Variants in GUCY1A2 observed in about 807,000 individuals in gnomAD.
GUCY1A2 encodes guanylate cyclase soluble subunit alpha-2.
A neutral mutation model predicts 63.5 loss-of-function variants in GUCY1A2; 27 were observed. That is an observed-to-expected ratio of 0.43 (90% CI 0.31 to 0.59). The LOEUF (loss-of-function observed/expected upper bound fraction) is 0.59. Ranked by LOEUF, GUCY1A2 falls within the 20% of genes least tolerant of loss-of-function variation. The pLI is 0.11. For synonymous variants in GUCY1A2, 364 were observed against 343.5 expected (o/e 1.06, Z -0.66); for missense variants, 768 against 913.3 (o/e 0.84, Z 2.05).
chr11:106,831,222 G>A (rs1166865718), intron 4 of GUCY1A2, among the ~76,000 whole-genome samples: 3 of 152,154 alleles, frequency 2.0e-5, no homozygotes, highest in Non-Finnish European at 4.4e-5. Flanking sequence ...ATATCATGAT[G>A]AAGGTTGACT....
intron 6 of GUCY1A2, among the ~76,000 whole-genome samples, chr11:106,750,059 T>C (rs80073761): frequency 0.03 from 4,572 of 152,100 alleles, 129 homozygotes; most frequent in South Asian, 0.071. Flanking sequence ...TCAGTCCAAG[T>C]TGGAAAGACT....
At chr11:106,822,482 C>A (rs1858915895) in intron 4 of GUCY1A2, among the ~76,000 whole-genome samples, 1 of 152,016 alleles carries the variant, frequency 6.6e-6, no homozygotes, top group Admixed American at 6.6e-5. Context: ...AGCATAGTAC[C>A]CAACAGGTAG....
intron 6 of GUCY1A2, among the ~76,000 whole-genome samples, chr11:106,742,827 G>A (rs539804620): frequency 6.6e-6 from 1 of 152,246 alleles, no homozygotes; most frequent in East Asian, 1.9e-4. Context: ...CTTTCAAATG[G>A]ATGAATTTTC....
chr11:106,698,119 A>ATTTTTTTTTTTTTTT (rs71470827), intron 7 of GUCY1A2, among the ~76,000 whole-genome samples: 1,384 of 100,374 alleles, frequency 0.014, 227 homozygotes, highest in African/African-American at 0.051. Flanking sequence ...GAATGTTAGA[A>ATTTTTTTTTTTTTTT]TTTTTTTTTT....
At chr11:106,901,215 A>G (rs1245589304) in intron 4 of GUCY1A2, among the ~76,000 whole-genome samples, 3 of 152,184 alleles carry the variant, frequency 2.0e-5, no homozygotes, top group African/African-American at 7.2e-5. Flanking sequence ...TTGTTCATCC[A>G]TAAGAATCAA....
At chr11:106,841,966 C>T (rs1287148387) in intron 4 of GUCY1A2, among the ~76,000 whole-genome samples, 2 of 151,818 alleles carry the variant, frequency 1.3e-5, no homozygotes, top group Admixed American at 6.6e-5. Flanking sequence ...TGCTCTGTAC[C>T]CCAGGAAGAT....
rs531837219 is a variant in GUCY1A2, at chr11:106,831,237, A to G, written c.1207-20759T>C. On this transcript the variant is annotated intron_variant, in intron 4 of 7. Coordinates refer to ENST00000526355, the MANE Select transcript of GUCY1A2 (RefSeq NM_000855.3). ...ATATCATGATGAAGGTTGACTTTGC[A>G]CTAGCAAAATGTCTCAGACACAGAT... is the stretch of plus-strand genomic sequence containing the variant. Among the ~76,000 whole-genome samples the G allele has an allele frequency of 5.3e-5, 8 of 152,352 alleles. No individual in the cohort carries two copies. The East Asian group carries it at 1.5e-3, about 29-fold the overall frequency.
chr11:106,824,657 A>G, intron 4 of GUCY1A2: 1 of 855,340 alleles, frequency 1.2e-6, no homozygotes, highest in South Asian at 2.1e-5. Context: ...ATATTTGAAT[A>G]GAAATTTGTA....
At chr11:106,915,755 A>T (rs10458951) in intron 4 of GUCY1A2, among the ~76,000 whole-genome samples, 109,868 of 143,720 alleles carry the variant, frequency 0.76, 45,605 homozygotes, top group East Asian at 0.99. Flanking sequence ...AAAAAGAACT[A>T]TGTCTGATTT....
At chr11:106,805,148 G>A (rs1049323801) in intron 5 of GUCY1A2, among the ~76,000 whole-genome samples, 4 of 152,026 alleles carry the variant, frequency 2.6e-5, no homozygotes, top group African/African-American at 7.3e-5. Context: ...ACCTGACAAT[G>A]TTTAATGCCA....
chr11:107,014,171 C>T (rs1234294002), intron 1 of GUCY1A2, among the ~76,000 whole-genome samples: 1 of 144,056 alleles, frequency 6.9e-6, no homozygotes, highest in Non-Finnish European at 1.5e-5. Context: ...TCACTACAAC[C>T]TCTGCCTCCC....
At chr11:106,851,204 G>C (rs1179744910) in intron 4 of GUCY1A2, among the ~76,000 whole-genome samples, 4 of 150,608 alleles carry the variant, frequency 2.7e-5, no homozygotes, top group Admixed American at 6.6e-5. Context: ...GTTTTGTTTT[G>C]TTTTTTGCTG....
At position 106,914,350 on chromosome 11, in the gene GUCY1A2, G is replaced by GT. The variant is rs1174991866; in HGVS notation, c.1206+25109dup. Among the ~76,000 whole-genome samples, 3 of 151,964 alleles carry GT rather than the reference G, an allele frequency of 2.0e-5. No homozygotes were observed. In the East Asian group the frequency reaches 5.8e-4, roughly 29 times the overall value. On this transcript the variant is annotated intron_variant, in intron 4 of 7. Transcript: ENST00000526355. ...ATGTGAAAGTGACCCTACTTTATAA[G>GT]TTTTTTATGCAGACAAACAAAATTC...
intron 3 of GUCY1A2, among the ~76,000 whole-genome samples, chr11:106,954,748 C>A (rs572256793): frequency 6.6e-6 from 1 of 152,084 alleles, no homozygotes; most frequent in Non-Finnish European, 1.5e-5. Flanking sequence ...CTTCCCCTTA[C>A]CATTGTATAA....
chr11:106,985,982 G>A (rs992093974), intron 2 of GUCY1A2, 88 bp downstream of exon 2: 3 of 782,730 alleles, frequency 3.8e-6, no homozygotes, highest in African/African-American at 3.4e-5. Flanking sequence ...GTTGACCTGG[G>A]TAGCAGAAAA....
intron 4 of GUCY1A2, among the ~76,000 whole-genome samples, chr11:106,818,941 T>C (rs1565299877): frequency 6.6e-6 from 1 of 152,144 alleles, no homozygotes; most frequent in South Asian, 2.1e-4. Context: ...AGAAGAAAGC[T>C]TGAAGGTAGC....
chr11:106,765,029 T>C (rs908013632), intron 6 of GUCY1A2, among the ~76,000 whole-genome samples: 1 of 151,088 alleles, frequency 6.6e-6, no homozygotes, highest in South Asian at 2.1e-4. Context: ...AAGTCTGACA[T>C]CTGGAAAGTG....
intron 5 of GUCY1A2, among the ~76,000 whole-genome samples, chr11:106,794,803 A>C (rs1273745180): frequency 6.6e-6 from 1 of 152,124 alleles, no homozygotes; most frequent in African/African-American, 2.4e-5. Context: ...ATTGAAAATG[A>C]AAGTAATGAA....
At chr11:106,821,827 T>A (rs1000498890) in intron 4 of GUCY1A2, among the ~76,000 whole-genome samples, 1 of 152,196 alleles carries the variant, frequency 6.6e-6, no homozygotes, top group Non-Finnish European at 1.5e-5. Context: ...TGTGTTTGTG[T>A]ATTATTTTAT....
Sources: allele counts gnomAD v4.1 joint callset (sites outside exome capture counted in the v4.1 genomes callset), GRCh38; gene constraint gnomAD v4.1.1; transcripts MANE v1.5; gene names NCBI Gene and HGNC (gene_info 2026-07-23, HGNC 2026-07-21).